The following LRRTM4 variants were observed in gnomAD, a reference collection of about 807,000 sequenced individuals.
LRRTM4 encodes leucine-rich repeat transmembrane neuronal protein 4.
Under a neutral mutation model 47.6 loss-of-function variants are expected in LRRTM4, and 25 were observed. The ratio of observed to expected loss-of-function variants is 0.53; its 90% CI spans 0.38 to 0.73. The LOEUF (loss-of-function observed/expected upper bound fraction) is 0.73. Ranked by LOEUF, LRRTM4 falls within the 30% of genes least tolerant of loss-of-function variation. LRRTM4 has a pLI of 0.00. For missense variants in LRRTM4, 638 were observed against 713.4 expected (o/e 0.89, Z 1.20); for synonymous variants, 311 against 269.5 (o/e 1.15, Z -1.51).
chr2:77,315,136 A>C (rs1355375907), intron 3 of LRRTM4, among the ~76,000 whole-genome samples: 1 of 152,220 alleles, frequency 6.6e-6, no homozygotes, highest in Non-Finnish European at 1.5e-5. Flanking sequence ...ACACTGTTGC[A>C]TGTATTAAAG....
At chr2:76,896,266 A>C (rs1423657016) in intron 3 of LRRTM4, among the ~76,000 whole-genome samples, 1 of 151,960 alleles carries the variant, frequency 6.6e-6, no homozygotes. Flanking sequence ...TTTCCCACAT[A>C]TTGGGTCCAA....
At chr2:77,290,420 T>A (rs1400161067) in intron 3 of LRRTM4, among the ~76,000 whole-genome samples, 1 of 151,612 alleles carries the variant, frequency 6.6e-6, no homozygotes. Flanking sequence ...GAGGGGAGCA[T>A]AAAGAGGAGA....
intron 3 of LRRTM4, among the ~76,000 whole-genome samples, chr2:77,227,295 A>G (rs1674841554): frequency 6.6e-6 from 1 of 152,072 alleles, no homozygotes; most frequent in South Asian, 2.1e-4. Flanking sequence ...TTATTTTAAT[A>G]TTACTGCCAA....
At chr2:76,917,746 C>T (rs1251433935) in intron 3 of LRRTM4, among the ~76,000 whole-genome samples, 2 of 152,064 alleles carry the variant, frequency 1.3e-5, no homozygotes, top group Non-Finnish European at 2.9e-5. Flanking sequence ...CAGTCATGCC[C>T]CTAACTTTCC....
At chr2:77,041,859 T>G (rs796988101) in intron 3 of LRRTM4, among the ~76,000 whole-genome samples, 39 of 150,398 alleles carry the variant, frequency 2.6e-4, no homozygotes, top group African/African-American at 9.4e-4. Context: ...TGCACTGACC[T>G]AATATTTTCT....
intron 3 of LRRTM4, among the ~76,000 whole-genome samples, chr2:77,153,893 A>G (rs570815436): frequency 6.6e-6 from 1 of 152,324 alleles, no homozygotes; most frequent in South Asian, 2.1e-4. Context: ...AAAAGCTTAT[A>G]CTGGTCCATA....
intron 3 of LRRTM4, among the ~76,000 whole-genome samples, chr2:77,214,275 C>T (rs887375393): frequency 1.3e-5 from 2 of 152,148 alleles, no homozygotes; most frequent in Non-Finnish European, 1.5e-5. Flanking sequence ...TGTTCTTATC[C>T]TAACTCTGCA....
chr2:77,041,329 G>A (rs1356831134), intron 3 of LRRTM4, among the ~76,000 whole-genome samples: 1 of 151,500 alleles, frequency 6.6e-6, no homozygotes. Context: ...TTTGTTGATT[G>A]ATAGACACTT....
chr2:77,080,002 ATTC>A (rs1680479803), intron 3 of LRRTM4, among the ~76,000 whole-genome samples: 1 of 152,058 alleles, frequency 6.6e-6, no homozygotes, highest in Non-Finnish European at 1.5e-5. Context: ...AGTTATTTAT[ATTC>A]ACTGTCTGCA....
intron 3 of LRRTM4, among the ~76,000 whole-genome samples, chr2:77,155,340 G>GA (rs1433333306): frequency 9.2e-5 from 14 of 151,446 alleles, no homozygotes; most frequent in South Asian, 6.2e-4. Context: ...GGATTATAAA[G>GA]AAAAAAATAG....
rs563072024 is a variant in LRRTM4, at chr2:77,453,690, C to A, written c.1551+64628G>T. On this transcript the variant is annotated intron_variant, in intron 3 of 3. Transcript: ENST00000409884. ...TTATATTTTCCATTTTTTAGCTAGT[C>A]AATATTTCTTTATTGTTTTGCTTAT... is the stretch of plus-strand genomic sequence containing the variant. 8.6e-5 allele frequency among the ~76,000 whole-genome samples: 13 copies of A among 152,016 alleles called. 1 individual carries two copies. In the South Asian group the frequency reaches 2.5e-3, roughly 29 times the overall value.
intron 3 of LRRTM4, among the ~76,000 whole-genome samples, chr2:76,801,150 A>G (rs1399720643): frequency 1.3e-5 from 2 of 152,146 alleles, no homozygotes; most frequent in Non-Finnish European, 2.9e-5. Context: ...TGACCCAGCC[A>G]TCCCATTACT....
At chr2:76,988,853 T>C (rs1676902999) in intron 3 of LRRTM4, among the ~76,000 whole-genome samples, 1 of 151,700 alleles carries the variant, frequency 6.6e-6, no homozygotes, top group South Asian at 2.1e-4. Flanking sequence ...TTAATTCTTT[T>C]CTGGGAGGCA....
intron 3 of LRRTM4, among the ~76,000 whole-genome samples, chr2:77,243,487 A>G (rs1675333381): frequency 1.3e-5 from 2 of 151,392 alleles, no homozygotes; most frequent in African/African-American, 2.4e-5. Flanking sequence ...TAATTAGAGT[A>G]GTTAAATTTA....
At chr2:77,479,463 A>G (rs894271031) in intron 3 of LRRTM4, among the ~76,000 whole-genome samples, 1 of 152,222 alleles carries the variant, frequency 6.6e-6, no homozygotes, top group African/African-American at 2.4e-5. Context: ...TTCAAAAAGC[A>G]AGTCGTCAGG....
chr2:76,775,320 A>G (rs1163263090), intron 3 of LRRTM4, among the ~76,000 whole-genome samples: 1 of 152,078 alleles, frequency 6.6e-6, no homozygotes, highest in African/African-American at 2.4e-5. Flanking sequence ...ATATAGTACC[A>G]TGTGTAATGA....
intron 3 of LRRTM4, among the ~76,000 whole-genome samples, chr2:77,197,534 A>T (rs940784956): frequency 4.6e-5 from 7 of 152,218 alleles, no homozygotes; most frequent in African/African-American, 7.2e-5. Context: ...TAACAAGTTA[A>T]TATAACTAAC....
chr2:77,419,321 T>C (rs191383610), intron 3 of LRRTM4, among the ~76,000 whole-genome samples: 2 of 152,330 alleles, frequency 1.3e-5, no homozygotes, highest in African/African-American at 2.4e-5. Context: ...TTGGCATGTG[T>C]TATACATTTG....
At chr2:77,288,910 C>T (rs1202905936) in intron 3 of LRRTM4, among the ~76,000 whole-genome samples, 2 of 150,148 alleles carry the variant, frequency 1.3e-5, no homozygotes, top group Non-Finnish European at 2.9e-5. Flanking sequence ...TACCACATTA[C>T]TTGCTATCTG....
Sources: allele counts gnomAD v4.1 joint callset (sites outside exome capture counted in the v4.1 genomes callset), GRCh38; gene constraint gnomAD v4.1.1; transcripts MANE v1.5; gene names NCBI Gene and HGNC (gene_info 2026-07-23, HGNC 2026-07-21).